Variants in SYN3 observed in about 807,000 individuals in gnomAD.
SYN3 encodes synapsin III, also known as synapsin-3.
A neutral mutation model predicts 65.8 loss-of-function variants in SYN3; 35 were observed. The observed-to-expected ratio is 0.53, with a 90% CI of 0.41 to 0.70. SYN3 has a LOEUF of 0.70. Among genes scored for constraint, SYN3 ranks in the 30% least tolerant of loss-of-function variants. SYN3 has a pLI of 0.00. For missense variants in SYN3, 680 were observed against 749.0 expected (o/e 0.91, Z 1.08); for synonymous variants, 270 against 292.9 (o/e 0.92, Z 0.80).
intron 6 of SYN3, among the ~76,000 whole-genome samples, chr22:32,748,726 C>T (rs1030608948): frequency 3.3e-5 from 5 of 152,156 alleles, no homozygotes; most frequent in African/African-American, 9.7e-5. Context: ...GTCTTATCCT[C>T]GACCAGAACG....
rs569812980 is a variant in SYN3, at chr22:32,642,538, T to G, written c.712-45802A>C. 2.2e-3 allele frequency among the ~76,000 whole-genome samples: 330 copies of G among 151,966 alleles called. 1 individual carries two copies. The highest frequency in any genetic ancestry group is 3.5e-3 in the Non-Finnish European group (239 of 67,958). ...TCACTGCAAGCTCCGCCTCCTGGGT[T>G]CACGCTATTCTCCTGCCTCAGCCTC... On this transcript the variant is annotated intron_variant, in intron 6 of 13. Transcript: ENST00000358763.
chr22:33,010,985 T>C (rs543347146), intron 1 of SYN3, among the ~76,000 whole-genome samples: 31 of 152,348 alleles, frequency 2.0e-4, no homozygotes, highest in Non-Finnish European at 3.4e-4. Context: ...TAGTTGTTTA[T>C]AGATTCCTTG....
chr22:32,641,424 C>T (rs1426224401), intron 6 of SYN3, among the ~76,000 whole-genome samples: 2 of 151,578 alleles, frequency 1.3e-5, no homozygotes, highest in Non-Finnish European at 2.9e-5. Flanking sequence ...CTGGCTAACA[C>T]GGTGAAACCC....
intron 10 of SYN3, among the ~76,000 whole-genome samples, chr22:32,532,979 G>C (rs1419671977): frequency 6.6e-6 from 1 of 151,850 alleles, no homozygotes; most frequent in Non-Finnish European, 1.5e-5. Context: ...ACATGGAGTG[G>C]GGGGGCAGGG....
chr22:32,663,359 C>T (rs1440605279), intron 6 of SYN3, among the ~76,000 whole-genome samples: 6 of 148,610 alleles, frequency 4.0e-5, no homozygotes, highest in Non-Finnish European at 7.4e-5. Context: ...AGTGCAGTGG[C>T]GCCATCTTGG....
At chr22:32,969,140 A>AC (rs2051937142) in intron 3 of SYN3, among the ~76,000 whole-genome samples, 1 of 152,150 alleles carries the variant, frequency 6.6e-6, no homozygotes, top group Non-Finnish European at 1.5e-5. Flanking sequence ...AGGCCAAGGA[A>AC]CTGAGCTGGG....
At chr22:32,813,264 G>A (rs754359999) in intron 6 of SYN3, among the ~76,000 whole-genome samples, 2 of 152,078 alleles carry the variant, frequency 1.3e-5, no homozygotes, top group Non-Finnish European at 2.9e-5. Context: ...AAAACAGTGG[G>A]CAAGTGTGAT....
At chr22:32,569,561 CTCTCTCTCTCTATATATATA>C (rs1486446300) in intron 7 of SYN3, among the ~76,000 whole-genome samples, 4 of 51,736 alleles carry the variant, frequency 7.7e-5, no homozygotes, top group African/African-American at 2.3e-4. Flanking sequence ...CTCTCTCTCT[CTCTCTCTCTCTATATATATA>C]TATATATAAA....
At chr22:33,055,204 C>T (rs1361274146) in intron 1 of SYN3, among the ~76,000 whole-genome samples, 2 of 152,242 alleles carry the variant, frequency 1.3e-5, no homozygotes, top group Non-Finnish European at 2.9e-5. Flanking sequence ...CAAATATACA[C>T]TATCACATCA....
chr22:32,768,332 G>A (rs5754260), intron 6 of SYN3, among the ~76,000 whole-genome samples: 119,272 of 152,108 alleles, frequency 0.78, 47,607 homozygotes, highest in African/African-American at 0.94. Flanking sequence ...CTACATATTC[G>A]CCCCTTTCTC....
intron 6 of SYN3, among the ~76,000 whole-genome samples, chr22:32,599,065 T>TA (rs951940016): frequency 9.2e-5 from 14 of 152,060 alleles, no homozygotes; most frequent in African/African-American, 2.7e-4. Context: ...GCTGCTCTTT[T>TA]AAAAAAAATC....
chr22:32,770,562 A>C (rs989786958), intron 6 of SYN3, among the ~76,000 whole-genome samples: 2 of 152,070 alleles, frequency 1.3e-5, no homozygotes, highest in Non-Finnish European at 2.9e-5. Flanking sequence ...CTTGTTCTAA[A>C]ACCTCTTCTC....
At chr22:32,639,974 A>C (rs2146874062) in intron 6 of SYN3, among the ~76,000 whole-genome samples, 1 of 152,336 alleles carries the variant, frequency 6.6e-6, no homozygotes. Flanking sequence ...CTTCAGTCTC[A>C]TGCTCTTGCT....
intron 3 of SYN3, among the ~76,000 whole-genome samples, chr22:32,951,807 T>C (rs2051298772): frequency 6.6e-6 from 1 of 152,164 alleles, no homozygotes; most frequent in African/African-American, 2.4e-5. Flanking sequence ...CGGACTCAGT[T>C]TGTGGCCTAC....
At chr22:32,913,315 T>C (rs1366757261) in intron 4 of SYN3, among the ~76,000 whole-genome samples, 1 of 151,952 alleles carries the variant, frequency 6.6e-6, no homozygotes, top group African/African-American at 2.4e-5. Flanking sequence ...CCCACCACCA[T>C]ACCCAGCTAA....
chr22:33,006,073 C>T lies in SYN3; in HGVS notation c.311+279G>A, dbSNP rs1425600611. 2.6e-5 allele frequency among the ~76,000 whole-genome samples: 4 copies of T among 152,290 alleles called. No homozygotes were observed. The East Asian group carries it at 5.8e-4, about 22-fold the overall frequency. The stretch of plus-strand genomic sequence containing the variant: ...CTTTGCTACCAAAAGAATTGCAAAA[C>T]ATTTTCTAGTTTCCAGAGTGTGTTG... On this transcript the variant is annotated intron_variant, in intron 2 of 13. Coordinates refer to ENST00000358763, the MANE Select transcript of SYN3 (RefSeq NM_003490.4).
intron 9 of SYN3, among the ~76,000 whole-genome samples, chr22:32,537,636 C>G (rs1281069671): frequency 6.6e-6 from 1 of 152,146 alleles, no homozygotes; most frequent in East Asian, 1.9e-4. Flanking sequence ...GCCTGGTCTC[C>G]TAATAATGCT....
intron 6 of SYN3, among the ~76,000 whole-genome samples, chr22:32,864,203 G>A (rs2048625558): frequency 6.6e-6 from 1 of 152,162 alleles, no homozygotes; most frequent in Admixed American, 6.5e-5. Context: ...AAGGCCAAGC[G>A]CAGGGTCACA....
chr22:32,822,877 C>T (rs1569252454), intron 6 of SYN3, among the ~76,000 whole-genome samples: 1 of 151,614 alleles, frequency 6.6e-6, no homozygotes, highest in Admixed American at 6.6e-5. Flanking sequence ...CCCTATGGTG[C>T]ACTTTTGAGT....
Sources: gnomAD v4.1 joint callset for allele counts (sites outside exome capture counted in the v4.1 genomes callset) on GRCh38, gnomAD v4.1.1 for gene constraint, MANE v1.5 for transcripts, NCBI Gene and HGNC (gene_info 2026-07-23, HGNC 2026-07-21) for gene names.